SMAD1: variants seen among roughly 807,000 people sequenced by gnomAD.
The protein encoded by SMAD1 is MAD, mothers against decapentaplegic homolog 1.
In SMAD1, 6 loss-of-function variants were observed where a neutral mutation model predicts 41.6. The observed-to-expected ratio is 0.14, with a 90% CI of 0.08 to 0.28. The LOEUF is 0.28. Ranked by LOEUF, SMAD1 falls within the 10% of genes least tolerant of loss-of-function variation. The pLI is 1.00. For synonymous variants in SMAD1, 206 were observed against 203.2 expected (o/e 1.01, Z -0.12); for missense variants, 379 against 582.6 (o/e 0.65, Z 3.60).
chr4:145,490,898 T>C (rs1728735679), intron 1 of SMAD1, among the ~76,000 whole-genome samples: 1 of 152,202 alleles, frequency 6.6e-6, no homozygotes, highest in Non-Finnish European at 1.5e-5. Flanking sequence ...TATTACAGCA[T>C]TCATTACGGT....
chr4:145,553,600 G>A (rs556927892), intron 5 of SMAD1, among the ~76,000 whole-genome samples, 184 bp from the exon 6 acceptor site: 4 of 152,218 alleles, frequency 2.6e-5, no homozygotes, highest in Non-Finnish European at 5.9e-5. Flanking sequence ...AACAGGCCAC[G>A]GACTGATACT....
At chr4:145,494,314 G>A (rs191490678) in intron 1 of SMAD1, among the ~76,000 whole-genome samples, 7 of 152,276 alleles carry the variant, frequency 4.6e-5, no homozygotes, top group Admixed American at 4.6e-4. Flanking sequence ...TTATGCTTAT[G>A]TTCATAGTGT....
chr4:145,550,621 C>T (rs1732502726), intron 5 of SMAD1, among the ~76,000 whole-genome samples: 1 of 152,174 alleles, frequency 6.6e-6, no homozygotes, highest in South Asian at 2.1e-4. Flanking sequence ...CTCCCTTCAT[C>T]CATGCCAGTA....
At chr4:145,523,836 C>G (rs1730888603) in intron 2 of SMAD1, among the ~76,000 whole-genome samples, 1 of 152,154 alleles carries the variant, frequency 6.6e-6, no homozygotes, top group Admixed American at 6.5e-5. Context: ...TTTGCAGTTG[C>G]TCTTCCACAG....
In SMAD1 at chr4:145,511,096, T is replaced by C. The variant is rs536941109; in HGVS notation, c.-176-3342T>C. Reference sequence around the variant, plus strand: ...TTCAATACTGTGTTCTTATATTTAATGTGTGTCTCTTTTAAGTACAATATG... The same window carrying C: ...TTCAATACTGTGTTCTTATATTTAACGTGTGTCTCTTTTAAGTACAATATG... On this transcript the variant is annotated intron_variant, in intron 1 of 6. Coordinates refer to ENST00000302085, the MANE Select transcript of SMAD1 (RefSeq NM_005900.3). Among the ~76,000 whole-genome samples, 212 of 152,334 alleles carry C rather than the reference T, an allele frequency of 1.4e-3. 7 individuals carry two copies. The South Asian group carries it at 0.043, about 31-fold the overall frequency.
At chr4:145,495,787 T>TTTTTTA (rs1376041574) in intron 1 of SMAD1, among the ~76,000 whole-genome samples, 12 of 150,626 alleles carry the variant, frequency 8.0e-5, no homozygotes, top group African/African-American at 2.7e-4. Flanking sequence ...GGCTTTTTTT[T>TTTTTTA]TTTTTTTTTT....
At chr4:145,494,276 G>A (rs1277310629) in intron 1 of SMAD1, among the ~76,000 whole-genome samples, 1 of 152,204 alleles carries the variant, frequency 6.6e-6, no homozygotes, top group African/African-American at 2.4e-5. Flanking sequence ...CATTCTTTCA[G>A]CAAGGTTTTG....
At chr4:145,510,016 A>G (rs981569423) in intron 1 of SMAD1, among the ~76,000 whole-genome samples, 33 of 152,180 alleles carry the variant, frequency 2.2e-4, no homozygotes, top group Admixed American at 2.0e-3. Context: ...GGAGTCCTAC[A>G]TTGTTTCCTG....
chr4:145,509,974 G>A (rs2126384204), intron 1 of SMAD1, among the ~76,000 whole-genome samples: 1 of 152,288 alleles, frequency 6.6e-6, no homozygotes, highest in East Asian at 1.9e-4. Context: ...CAGGTACTAT[G>A]CCAAGTTCCA....
At chr4:145,533,386 C>T (rs947198665) in intron 2 of SMAD1, among the ~76,000 whole-genome samples, 2 of 152,186 alleles carry the variant, frequency 1.3e-5, no homozygotes, top group African/African-American at 4.8e-5. Context: ...TACAGACACC[C>T]TACTTATACA....
intron 1 of SMAD1, among the ~76,000 whole-genome samples, chr4:145,492,792 C>T (rs956828915): frequency 2.0e-5 from 3 of 152,322 alleles, no homozygotes; most frequent in Middle Eastern, 3.4e-3. Context: ...ACTTTGGAGT[C>T]TCCAAGGATT....
intron 2 of SMAD1, among the ~76,000 whole-genome samples, chr4:145,533,853 A>G (rs545472754): frequency 6.6e-6 from 1 of 152,370 alleles, no homozygotes; most frequent in South Asian, 2.1e-4. Context: ...TAAATTTAAC[A>G]AGAAATGTGC....
intron 1 of SMAD1, among the ~76,000 whole-genome samples, chr4:145,512,371 T>TA (rs1167640016): frequency 1.3e-5 from 2 of 152,206 alleles, no homozygotes; most frequent in Admixed American, 1.3e-4. Context: ...AGACTCTACT[T>TA]ATGCAGTGCT....
intron 2 of SMAD1, among the ~76,000 whole-genome samples, chr4:145,532,731 C>T (rs10033759): frequency 0.018 from 2,682 of 152,262 alleles, 67 homozygotes; most frequent in East Asian, 0.048. Context: ...GAAAAGTCTA[C>T]GTTCCCATAT....
chr4:145,498,399 T>A (rs1355212279), intron 1 of SMAD1, among the ~76,000 whole-genome samples: 1 of 152,128 alleles, frequency 6.6e-6, no homozygotes, highest in East Asian at 1.9e-4. Flanking sequence ...CTTTCAATTA[T>A]TTTTTTTCCT....
chr4:145,492,546 A>C (rs1461663753), intron 1 of SMAD1, among the ~76,000 whole-genome samples: 1 of 152,242 alleles, frequency 6.6e-6, no homozygotes. Context: ...CTGCATGTTC[A>C]GCTGTCCAGA....
At chr4:145,547,256 ATTGCTTAATTGT>A (rs543989795) in intron 5 of SMAD1, among the ~76,000 whole-genome samples, 18 of 152,226 alleles carry the variant, frequency 1.2e-4, no homozygotes, top group Admixed American at 4.6e-4. Flanking sequence ...ATTACAGTTA[ATTGCTTAATTGT>A]ATTTCAAATG....
chr4:145,553,320 C>G (rs144820110), intron 5 of SMAD1, among the ~76,000 whole-genome samples: 1 of 152,102 alleles, frequency 6.6e-6, no homozygotes, highest in East Asian at 1.9e-4. Flanking sequence ...TCAGCCATCC[C>G]CAGTCTTTTT....
Position 145,542,647 on chromosome 4 carries a change from AT to A in SMAD1, c.725del (p.Met242ArgfsTer5). 1 of 1,613,616 alleles carries A rather than the reference AT, an allele frequency of 6.2e-7. No individual in the cohort carries two copies. The highest frequency in any genetic ancestry group is 2.2e-5 in the East Asian group (1 of 44,838). ...CATGACCCAGGATGGCTCTCAGCCG[AT>A]GGACACAAACATGATGGCGCCTCCC... ...DPMTQDGSQP[M>X]DTNMMAPPLP... On this transcript the variant is annotated frameshift_variant, in exon 4 of 7. Coordinates refer to ENST00000302085, the MANE Select transcript of SMAD1 (RefSeq NM_005900.3). LOFTEE classifies it high-confidence loss of function.
Sources: allele counts gnomAD v4.1 joint callset (sites outside exome capture counted in the v4.1 genomes callset), GRCh38; gene constraint gnomAD v4.1.1; transcripts MANE v1.5; gene names NCBI Gene and HGNC (gene_info 2026-07-23, HGNC 2026-07-21).